PLCL2: variants seen among roughly 807,000 people sequenced by gnomAD.
The protein encoded by PLCL2 is inactive phospholipase C-like protein 2.
In PLCL2, 4 loss-of-function variants were observed where a neutral mutation model predicts 79.6. The ratio of observed to expected loss-of-function variants is 0.05; its 90% CI spans 0.02 to 0.11. The LOEUF is 0.11. PLCL2 is among the 10% of genes least tolerant of loss of function. PLCL2 has a pLI of 1.00. For synonymous variants in PLCL2, 484 were observed against 457.7 expected (o/e 1.06, Z -0.73); for missense variants, 895 against 1,291.0 (o/e 0.69, Z 4.70).
chr3:17,014,864 G>A lies in PLCL2; in HGVS notation c.2971G>A (p.Gly991Arg). 2 of 1,614,154 alleles carry A rather than the reference G, an allele frequency of 1.2e-6. No homozygotes were observed. The highest frequency in any genetic ancestry group is 2.2e-5 in the East Asian group (1 of 44,892). Reference protein sequence around the residue: ...SEQYPTMELQGIVPEVLKKIV... With the variant: ...SEQYPTMELQRIVPEVLKKIV... The stretch of plus-strand genomic sequence containing the variant: ...GCAGTACCCCACAATGGAGCTGCAG[G>A]GAATTGTGCCGGAGGTTCTGAAGAA... The change falls in exon 3 of 6, where the codon GGA becomes AGA. Residue 991 changes from glycine (G) to arginine (R), a missense_variant. By Grantham distance (125) the Gly-to-Arg change is moderately radical. Coordinates refer to ENST00000615277, the MANE Select transcript of PLCL2 (RefSeq NM_001144382.2).
Position 17,056,058 on chromosome 3 carries a change from C to T in PLCL2, c.3095-11898C>T, listed in dbSNP as rs11918742. Reference sequence around the variant, plus strand: ...GTCACATCTTCCTCCCTCCTTCCTTCGTAAACCCATGGAGTCTCTGAAAGC... The same window carrying T: ...GTCACATCTTCCTCCCTCCTTCCTTTGTAAACCCATGGAGTCTCTGAAAGC... On this transcript the variant is annotated intron_variant, in intron 4 of 5. Coordinates refer to ENST00000615277, the MANE Select transcript of PLCL2 (RefSeq NM_001144382.2). Among the ~76,000 whole-genome samples the T allele has an allele frequency of 4.3e-3, 660 of 152,242 alleles. 4 individuals carry two copies. Among genetic ancestry groups the T allele is most frequent in the African/African-American group, 0.015 (612 of 41,546 alleles).
intron 1 of PLCL2, among the ~76,000 whole-genome samples, chr3:17,006,610 C>T (rs546668790): frequency 2.0e-4 from 31 of 152,300 alleles, no homozygotes; most frequent in Admixed American, 1.7e-3. Flanking sequence ...TTCTAGGCAA[C>T]AGCAGATGGA....
intron 4 of PLCL2, among the ~76,000 whole-genome samples, chr3:17,052,227 T>G: frequency 8.5e-6 from 1 of 118,250 alleles, no homozygotes; most frequent in Non-Finnish European, 1.7e-5. Context: ...AAATAGATTG[T>G]GAATATGGCA....
intron 3 of PLCL2, among the ~76,000 whole-genome samples, chr3:17,020,142 T>C (rs1284060412): frequency 1.3e-5 from 2 of 152,248 alleles, no homozygotes; most frequent in African/African-American, 4.8e-5. Context: ...ATTTACCACC[T>C]GTTTTAAACT....
At chr3:16,924,258 G>A (rs1348771453) in intron 1 of PLCL2, among the ~76,000 whole-genome samples, 1 of 152,068 alleles carries the variant, frequency 6.6e-6, no homozygotes, top group East Asian at 1.9e-4. Flanking sequence ...CCACTCCCCA[G>A]GGTTTGTTGC....
chr3:16,947,297 A>G (rs1410108134), intron 1 of PLCL2, among the ~76,000 whole-genome samples: 1 of 152,178 alleles, frequency 6.6e-6, no homozygotes, highest in East Asian at 1.9e-4. Flanking sequence ...GGAGTGCAAC[A>G]TAAACTGCTA....
intron 4 of PLCL2, among the ~76,000 whole-genome samples, chr3:17,056,809 A>G (rs994761540): frequency 6.6e-6 from 1 of 152,198 alleles, no homozygotes; most frequent in Non-Finnish European, 1.5e-5. Context: ...GATAACAGGT[A>G]TAAATGAAAT....
In PLCL2 at chr3:17,082,891, C is replaced by T. The variant is rs117337022; in HGVS notation, c.3205-6842C>T. On this transcript the variant is annotated intron_variant, in intron 5 of 5. Coordinates refer to ENST00000615277, the MANE Select transcript of PLCL2 (RefSeq NM_001144382.2). ...CCTATTTGTAATATATATATAATGC[C>T]AAGAAAAAGACAAAACTCATTGTTT... 4.5e-3 allele frequency among the ~76,000 whole-genome samples: 680 copies of T among 151,858 alleles called. 6 individuals carry two copies. In the East Asian group the frequency reaches 0.053, roughly 12 times the overall value.
chr3:16,996,781 C>G (rs2064158028), intron 1 of PLCL2, among the ~76,000 whole-genome samples: 3 of 152,012 alleles, frequency 2.0e-5, no homozygotes, highest in Non-Finnish European at 4.4e-5. Context: ...CAGAAATACT[C>G]ATTTGAACAT....
chr3:17,064,223 G>A (rs2064985277), intron 4 of PLCL2, among the ~76,000 whole-genome samples: 1 of 152,110 alleles, frequency 6.6e-6, no homozygotes, highest in African/African-American at 2.4e-5. Flanking sequence ...TTAGTTCCAA[G>A]AGAACAATGC....
At chr3:17,066,666 C>T (rs538084355) in intron 4 of PLCL2, among the ~76,000 whole-genome samples, 1 of 152,040 alleles carries the variant, frequency 6.6e-6, no homozygotes, top group African/African-American at 2.4e-5. Flanking sequence ...AATGCTAGTT[C>T]ATCTACACAT....
rs139901205 is a variant in PLCL2, at chr3:16,922,962, C to T, written c.327+37596C>T. 4.1e-4 allele frequency among the ~76,000 whole-genome samples: 63 copies of T among 152,174 alleles called. 1 individual carries two copies. Among genetic ancestry groups the T allele is most frequent in the Middle Eastern group, 3.4e-3 (1 of 294 alleles). Reference sequence around the variant, plus strand: ...TACTGTAAAGGTGAAAAAAAGGATTCATTTGAGAAAACAATAACCCCTCTA... The same window carrying T: ...TACTGTAAAGGTGAAAAAAAGGATTTATTTGAGAAAACAATAACCCCTCTA... On this transcript the variant is annotated intron_variant, in intron 1 of 5. Coordinates refer to ENST00000615277, the MANE Select transcript of PLCL2 (RefSeq NM_001144382.2).
intron 1 of PLCL2, among the ~76,000 whole-genome samples, chr3:16,951,149 C>T (rs909050142): frequency 1.3e-5 from 2 of 152,064 alleles, no homozygotes; most frequent in African/African-American, 2.4e-5. Flanking sequence ...GTTTATGTAA[C>T]ATAGAATTTA....
At chr3:16,893,858 G>A (rs1272716584) in intron 1 of PLCL2, among the ~76,000 whole-genome samples, 1 of 152,188 alleles carries the variant, frequency 6.6e-6, no homozygotes, top group East Asian at 1.9e-4. Context: ...AAGATTAAGA[G>A]CAAACCAAAT....
intron 3 of PLCL2, among the ~76,000 whole-genome samples, chr3:17,029,126 C>T (rs774279616): frequency 6.6e-6 from 1 of 152,012 alleles, no homozygotes; most frequent in Non-Finnish European, 1.5e-5. Context: ...TTTGCTGGTC[C>T]AAGAAGAGGA....
At chr3:17,060,101 G>A (rs1342248775) in intron 4 of PLCL2, among the ~76,000 whole-genome samples, 2 of 152,156 alleles carry the variant, frequency 1.3e-5, no homozygotes, top group Admixed American at 6.5e-5. Context: ...ATTATTCTTC[G>A]TATTATCCCA....
At chr3:16,991,184 G>A (rs1389412313) in intron 1 of PLCL2, among the ~76,000 whole-genome samples, 2 of 152,208 alleles carry the variant, frequency 1.3e-5, no homozygotes, top group African/African-American at 4.8e-5. Context: ...GGCTAGCCCT[G>A]TGGCTACCGA....
chr3:16,926,637 CTT>C (rs67641213), intron 1 of PLCL2, among the ~76,000 whole-genome samples: 2 of 145,012 alleles, frequency 1.4e-5, no homozygotes, highest in Non-Finnish European at 3.1e-5. Context: ...TAATCAAAAC[CTT>C]TTTTTTTTTT....
rs79306601 is a variant in PLCL2 at position 16,997,775 on chromosome 3, T to A, written c.328-11899T>A. ...GGATGGTCTTGATCTCCTGACCTCA[T>A]GATCCACCTGCCTCGGCCTCCCAAA... On this transcript the variant is annotated intron_variant, in intron 1 of 5. Transcript: ENST00000615277. Among the ~76,000 whole-genome samples the A allele has an allele frequency of 5.3e-5, 8 of 152,126 alleles. No homozygotes were observed. In the East Asian group the frequency reaches 1.4e-3, roughly 26 times the overall value.
Sources: gnomAD v4.1 joint callset for allele counts (sites outside exome capture counted in the v4.1 genomes callset) on GRCh38, gnomAD v4.1.1 for gene constraint, MANE v1.5 for transcripts, NCBI Gene and HGNC (gene_info 2026-07-23, HGNC 2026-07-21) for gene names.